The following TRPM4 variants were observed in gnomAD, a reference collection of about 807,000 sequenced individuals.
The protein encoded by TRPM4 is calcium-activated non-selective cation channel 1.
A neutral mutation model predicts 135.6 loss-of-function variants in TRPM4; 124 were observed. The ratio of observed to expected loss-of-function variants is 0.91; its 90% CI spans 0.79 to 1.06. TRPM4 has a LOEUF of 1.06. TRPM4 is among the 50% of genes least tolerant of loss of function. TRPM4 has a pLI of 0.00. For synonymous variants in TRPM4, 745 were observed against 705.6 expected (o/e 1.06, Z -0.88); for missense variants, 1,658 against 1,671.4 (o/e 0.99, Z 0.14).
At chr19:49,189,130 A>G in intron 14 of TRPM4, 39 bp downstream of exon 14, 2 of 1,613,446 alleles carry the variant, frequency 1.2e-6, no homozygotes, top group Non-Finnish European at 1.7e-6. Flanking sequence ...ACAGTCTCCA[A>G]GTGGACTCTG....
intron 17 of TRPM4, among the ~76,000 whole-genome samples, chr19:49,197,978 C>G (rs1034671602): frequency 6.6e-6 from 1 of 151,702 alleles, no homozygotes; most frequent in Non-Finnish European, 1.5e-5. Flanking sequence ...TGTGGGTCAC[C>G]GTGCCTGGCC....
At chr19:49,193,728 C>CAGA (rs2307575) in intron 16 of TRPM4, among the ~76,000 whole-genome samples, 20,103 of 152,152 alleles carry the variant, frequency 0.13, 2,373 homozygotes, top group African/African-American at 0.32. Context: ...CAGGATTCTG[C>CAGA]AGGAGAACTG....
chr19:49,192,611 G>A (rs1285183185), intron 16 of TRPM4, among the ~76,000 whole-genome samples: 2 of 152,116 alleles, frequency 1.3e-5, no homozygotes, highest in Non-Finnish European at 2.9e-5. Flanking sequence ...TCACTTATAA[G>A]TAAGAACTAA....
At position 49,201,850 on chromosome 19, in the gene TRPM4, T is replaced by A. The variant is rs1032575139; in HGVS notation, c.2954-114T>A. On this transcript the variant is annotated intron_variant, in intron 19 of 24. Coordinates refer to ENST00000252826, the MANE Select transcript of TRPM4 (RefSeq NM_017636.4). Reference sequence around the variant, plus strand: ...CCCCACCTCAGGTGATCCGGCCATCTCAGCCTCCCAAAAGTGCTGGGATTA... The same window carrying A: ...CCCCACCTCAGGTGATCCGGCCATCACAGCCTCCCAAAAGTGCTGGGATTA... The A allele has an allele frequency of 1.0e-5, 11 of 1,098,014 alleles. No homozygotes were observed. In the African/African-American group the frequency reaches 1.8e-4, roughly 18 times the overall value. 68.0% of individuals were successfully genotyped at this position (1,098,014 alleles called of 1,614,324 possible). A position where few individuals can be genotyped will look rare whatever the true frequency, so the allele number is the denominator to read the frequency against.
In TRPM4 at chr19:49,171,655, G is replaced by A. The variant is rs577738761; in HGVS notation, c.936G>A (p.Ala312=). The change falls in exon 8 of 25, where the codon GCG becomes GCA. Residue 312 remains alanine (A), a synonymous_variant. Transcript: ENST00000252826. This position sits in a 1 kb window ranked among gnomAD's most constrained non-coding sequence, Gnocchi z 4.7. ...CAGGGGGAGCTGCGGACTGCCTGGC[G>A]GAGACCCTGGAAGACACTCTGGCCC... ...AGSGGAADCL[A]ETLEDTLAPG... is the part of the protein sequence containing the mutation. The A allele has an allele frequency of 1.4e-4, 234 of 1,613,904 alleles. 2 individuals carry two copies. The South Asian group carries it at 1.8e-3, about 12-fold the overall frequency.
At position 49,168,027 on chromosome 19, in the gene TRPM4, G is replaced by A. The variant is rs1236304573; in HGVS notation, c.378G>A (p.Gly126=). ...TGGTGTCAGTGCTGGGGGGATCGGG[G>A]GGCCCCGTCCTCCAGACCTGGCTGC... ...NLVVSVLGGS[G]GPVLQTWLQD... is the part of the protein sequence containing the mutation. Residue 126 remains glycine (G), a synonymous_variant, in exon 4 of 25, where the codon GGG becomes GGA. Transcript: ENST00000252826. The A allele has an allele frequency of 2.5e-6, 4 of 1,613,272 alleles. No individual in the cohort carries two copies. The highest frequency in any genetic ancestry group is 2.5e-6 in the Non-Finnish European group (3 of 1,179,960).
Position 49,177,189 on chromosome 19 carries a change from AG to A in TRPM4, c.1151-4155del, listed in dbSNP as rs537075116. Among the ~76,000 whole-genome samples, 233 of 152,130 alleles carry A rather than the reference AG, an allele frequency of 1.5e-3. 1 individual carries two copies. The highest frequency in any genetic ancestry group is 3.3e-3 in the Admixed American group (51 of 15,266). On this transcript the variant is annotated intron_variant, in intron 9 of 24. Coordinates refer to ENST00000252826, the MANE Select transcript of TRPM4 (RefSeq NM_017636.4). ...CGGCAGCTCTGCAAGATGTGGTTTGAGGGGGTGGTGTTGTAAGCCCAGCAGG... is the reference window on the plus strand; with the variant it reads ...CGGCAGCTCTGCAAGATGTGGTTTGAGGGGTGGTGTTGTAAGCCCAGCAGG...
intron 12 of TRPM4, among the ~76,000 whole-genome samples, chr19:49,187,186 C>G (rs1368218175): frequency 6.8e-6 from 1 of 147,600 alleles, no homozygotes; most frequent in Non-Finnish European, 1.5e-5. Context: ...CTTCATTAAG[C>G]ATTTTCTTGT....
chr19:49,199,750 C>T (rs185266437), intron 17 of TRPM4, among the ~76,000 whole-genome samples: 47 of 152,122 alleles, frequency 3.1e-4, no homozygotes, highest in African/African-American at 8.7e-4. Flanking sequence ...GAGCCTGCCT[C>T]GGCCTCCCAA....
At chr19:49,163,827 A>G (rs1568454945) in intron 2 of TRPM4, among the ~76,000 whole-genome samples, 1 of 152,174 alleles carries the variant, frequency 6.6e-6, no homozygotes, top group Admixed American at 6.5e-5. Context: ...AAGTAGCTGC[A>G]GGTGTTGGAA....
At chr19:49,165,988 G>T (rs1001498233) in intron 2 of TRPM4, 53 bp from the exon 3 acceptor site, 16 of 1,533,404 alleles carry the variant, frequency 1.0e-5, no homozygotes, top group Non-Finnish European at 1.4e-5. Context: ...CGCTGACAGG[G>T]TGCTGGGGTC....
chr19:49,167,788 C>G lies in TRPM4; in HGVS notation c.268-129C>G, dbSNP rs1388989345. The G allele has an allele frequency of 7.1e-5, 43 of 604,560 alleles. No homozygotes were observed. In the East Asian group the frequency reaches 1.2e-3, roughly 18 times the overall value. The allele number at this position is 604,560 out of a possible 1,614,324, so 37.4% of individuals were successfully genotyped here. Reference sequence around the variant, plus strand: ...TCTCTGTCCCCATCTCTCTGGGTCTCTGTCCCTCTCTCTCTGGGTCTCTGT... The same window carrying G: ...TCTCTGTCCCCATCTCTCTGGGTCTGTGTCCCTCTCTCTCTGGGTCTCTGT... On this transcript the variant is annotated intron_variant, in intron 3 of 24. Coordinates refer to ENST00000252826, the MANE Select transcript of TRPM4 (RefSeq NM_017636.4).
chr19:49,199,982 T>C (rs1968852340), intron 17 of TRPM4, among the ~76,000 whole-genome samples: 1 of 152,180 alleles, frequency 6.6e-6, no homozygotes, highest in South Asian at 2.1e-4. Context: ...AAGGACTCTA[T>C]ATGTTTTGCC....
intron 2 of TRPM4, among the ~76,000 whole-genome samples, chr19:49,162,561 C>CA (rs756995919): frequency 5.0e-4 from 74 of 148,996 alleles, no homozygotes; most frequent in Admixed American, 1.3e-3. Context: ...AACAAACAAA[C>CA]AAACAAAAAA....
intron 4 of TRPM4, 75 bp from the exon 5 acceptor site, chr19:49,168,185 A>AGTGT (rs35449031): frequency 1.3e-4 from 194 of 1,542,478 alleles, no homozygotes; most frequent in African/African-American, 2.1e-4. Context: ...CCCGCCGCCC[A>AGTGT]GTGTGTGTGT....
At position 49,182,720 on chromosome 19, in the gene TRPM4, C is replaced by A; in HGVS notation, c.1406C>A (p.Ser469Tyr). ...GCCCAACTCTACAGCGCGGCGCCCT[C>A]CAACTCGCTCATCCGCAACCTTTTG... Reference protein sequence around the residue: ...RLAQLYSAAPSNSLIRNLLDQ... With the variant: ...RLAQLYSAAPYNSLIRNLLDQ... Residue 469 changes from serine (S) to tyrosine (Y), a missense_variant, in exon 11 of 25, where the codon TCC becomes TAC. Around this residue, in one of 3 missense-constraint regions of TRPM4, gnomAD observed 1,412 missense variants for 1,408.7 expected, o/e 1.00. Transcript: ENST00000252826. The A allele has an allele frequency of 6.2e-7, 1 of 1,614,184 alleles. No homozygotes were observed. The highest frequency in any genetic ancestry group is 8.5e-7 in the Non-Finnish European group (1 of 1,180,018).
In TRPM4 at chr19:49,200,832, C is replaced by T. The variant is rs200647106; in HGVS notation, c.2953+47C>T. On this transcript the variant is annotated intron_variant, in intron 19 of 24. Coordinates refer to ENST00000252826, the MANE Select transcript of TRPM4 (RefSeq NM_017636.4). ...CAGCCTTCCTCTGAGTCTCTGTCCC[C>T]GCTCCCTGGGTCTCTGTCCTCCTGG... 1.2e-4 allele frequency: 186 copies of T among 1,598,418 alleles called. 2 individuals are homozygous for T. The East Asian group carries it at 4.0e-3, about 34-fold the overall frequency.
intron 6 of TRPM4, among the ~76,000 whole-genome samples, chr19:49,169,807 C>T (rs1380744604): frequency 6.6e-6 from 1 of 151,114 alleles, no homozygotes; most frequent in African/African-American, 2.4e-5. Flanking sequence ...GTCCACCTGC[C>T]TCAGCCTCCC....
At chr19:49,181,108 A>G (rs886546159) in intron 9 of TRPM4, among the ~76,000 whole-genome samples, 1 of 152,040 alleles carries the variant, frequency 6.6e-6, no homozygotes, top group Non-Finnish European at 1.5e-5. Flanking sequence ...TATTAAATGA[A>G]TAAGTGATTC....
Sources: allele counts gnomAD v4.1 joint callset (sites outside exome capture counted in the v4.1 genomes callset), GRCh38; gene constraint gnomAD v4.1.1; regional missense constraint gnomAD v4.1.1; non-coding constraint Gnocchi (gnomAD v3.1); transcripts MANE v1.5; gene names NCBI Gene and HGNC (gene_info 2026-07-23, HGNC 2026-07-21).